The following EPHA7 variants were observed in gnomAD, a reference collection of about 807,000 sequenced individuals.
The protein encoded by EPHA7 is ephrin type-A receptor 7.
A neutral mutation model predicts 112.6 loss-of-function variants in EPHA7; 25 were observed. The observed-to-expected ratio is 0.22, with a 90% CI of 0.16 to 0.31. EPHA7 has a LOEUF of 0.31. EPHA7 is among the 10% of genes least tolerant of loss of function. EPHA7 has a pLI of 1.00. For missense variants in EPHA7, 962 were observed against 1,212.6 expected (o/e 0.79, Z 3.07); for synonymous variants, 437 against 406.5 (o/e 1.07, Z -0.90).
chr6:93,240,608 T>A lies in EPHA7; in HGVS notation c.*2818A>T. On this transcript the variant is annotated 3_prime_UTR_variant, in exon 17 of 17. Transcript: ENST00000369303. The stretch of plus-strand genomic sequence containing the variant: ...TTCAGTACTGAATGCAAAACACAGG[T>A]CAAGTGTGAGGACAGTGTTCTAAAA... The A allele has an allele frequency of 4.6e-6, 1 of 217,732 alleles. No individual in the cohort carries two copies. The highest frequency in any genetic ancestry group is 6.8e-5 in the East Asian group (1 of 14,708). 13.5% of individuals were successfully genotyped at this position (217,732 alleles called of 1,614,324 possible). A position where few individuals can be genotyped will look rare whatever the true frequency, so the allele number is the denominator to read the frequency against.
At chr6:93,365,238 G>C (rs1776448222) in intron 3 of EPHA7, among the ~76,000 whole-genome samples, 1 of 152,208 alleles carries the variant, frequency 6.6e-6, no homozygotes, top group Non-Finnish European at 1.5e-5. Flanking sequence ...CAGCTGTAAA[G>C]AGTTTATTAA....
intron 1 of EPHA7, among the ~76,000 whole-genome samples, chr6:93,416,802 T>G (rs1221189741): frequency 2.0e-5 from 3 of 149,900 alleles, no homozygotes; most frequent in Non-Finnish European, 4.4e-5. Flanking sequence ...GGAGAGGGGC[T>G]AGACTGGGGG....
intron 5 of EPHA7, among the ~76,000 whole-genome samples, chr6:93,320,560 C>A (rs1290492322): frequency 4.6e-5 from 7 of 151,812 alleles, no homozygotes; most frequent in Admixed American, 4.6e-4. Flanking sequence ...AAGAATGTAG[C>A]TAGAAAAAAC....
Position 93,272,428 on chromosome 6 carries a change from T to C in EPHA7, c.1325-6A>G. On this transcript the variant is annotated splice_polypyrimidine_tract_variant and splice_region_variant and intron_variant, in intron 5 of 16. Coordinates refer to ENST00000369303, the MANE Select transcript of EPHA7 (RefSeq NM_004440.4). ...TCCACTCACTTGCGAGGGAGCTGTT[T>C]GGACAAGATGTGTCAATAAACAATG... 1 of 1,611,316 alleles carries C rather than the reference T, an allele frequency of 6.2e-7. No individual in the cohort carries two copies. Among genetic ancestry groups the C allele is most frequent in the African/African-American group, 1.3e-5 (1 of 74,840 alleles).
chr6:93,383,338 T>C (rs550067921), intron 3 of EPHA7, among the ~76,000 whole-genome samples: 3 of 151,892 alleles, frequency 2.0e-5, no homozygotes, highest in African/African-American at 7.2e-5. Flanking sequence ...TGTGTGTGTG[T>C]GTGTATAATT....
At chr6:93,357,138 G>T in intron 4 of EPHA7, 86 bp from the exon 5 acceptor site, 1 of 1,064,078 alleles carries the variant, frequency 9.4e-7, no homozygotes, top group Non-Finnish European at 1.3e-6. Flanking sequence ...TCTGTGTGGG[G>T]CATTAAGCTA....
chr6:93,347,256 T>A (rs1301114617), intron 5 of EPHA7, among the ~76,000 whole-genome samples: 1 of 151,926 alleles, frequency 6.6e-6, no homozygotes, highest in Non-Finnish European at 1.5e-5. Flanking sequence ...AAATTTATTA[T>A]AACTTTTATA....
At chr6:93,395,202 TA>T (rs1420642899) in intron 3 of EPHA7, among the ~76,000 whole-genome samples, 1 of 151,926 alleles carries the variant, frequency 6.6e-6, no homozygotes, top group Non-Finnish European at 1.5e-5. Flanking sequence ...GACAATGCTT[TA>T]AAAATGGTTT....
At chr6:93,253,884 C>T (rs1279672060) in intron 14 of EPHA7, among the ~76,000 whole-genome samples, 2 of 152,012 alleles carry the variant, frequency 1.3e-5, no homozygotes, top group Non-Finnish European at 2.9e-5. Context: ...TCTTGGCCTA[C>T]AAAATGGCCA....
At chr6:93,366,609 TA>T (rs958722467) in intron 3 of EPHA7, among the ~76,000 whole-genome samples, 1 of 152,080 alleles carries the variant, frequency 6.6e-6, no homozygotes, top group African/African-American at 2.4e-5. Flanking sequence ...GCAACAGTGT[TA>T]AAAAACAGGT....
intron 3 of EPHA7, among the ~76,000 whole-genome samples, chr6:93,407,031 T>G (rs117160559): frequency 0.023 from 3,435 of 152,056 alleles, 51 homozygotes; most frequent in Non-Finnish European, 0.034. Context: ...CTCATAAAAA[T>G]ACTATGTTTA....
chr6:93,387,658 C>T (rs1777679831), intron 3 of EPHA7, among the ~76,000 whole-genome samples: 1 of 152,060 alleles, frequency 6.6e-6, no homozygotes, highest in African/African-American at 2.4e-5. Context: ...GGGGAGGCCT[C>T]AGTAAACTTA....
At chr6:93,303,126 G>A (rs1025275920) in intron 5 of EPHA7, among the ~76,000 whole-genome samples, 1 of 152,108 alleles carries the variant, frequency 6.6e-6, no homozygotes, top group Non-Finnish European at 1.5e-5. Flanking sequence ...ATGTTTGCCC[G>A]TGATCCTACT....
chr6:93,316,526 C>T (rs1267184323), intron 5 of EPHA7, among the ~76,000 whole-genome samples: 1 of 152,042 alleles, frequency 6.6e-6, no homozygotes, highest in East Asian at 1.9e-4. Context: ...TAGTGTGTAA[C>T]ACTATTTCTG....
chr6:93,385,713 T>C (rs958356449), intron 3 of EPHA7, among the ~76,000 whole-genome samples: 5 of 151,984 alleles, frequency 3.3e-5, no homozygotes, highest in Non-Finnish European at 7.4e-5. Context: ...GATGTGTGGA[T>C]GGATGGATAG....
intron 14 of EPHA7, among the ~76,000 whole-genome samples, chr6:93,249,063 A>G (rs1770089357): frequency 6.6e-6 from 1 of 152,292 alleles, no homozygotes; most frequent in South Asian, 2.1e-4. Flanking sequence ...TGGAGAAAAC[A>G]CCTTGGCCTT....
Position 93,410,659 on chromosome 6 carries a change from G to A in EPHA7, c.674C>T (p.Ser225Phe). The A allele has an allele frequency of 1.9e-6, 3 of 1,613,942 alleles. No homozygotes were observed. Among genetic ancestry groups the A allele is most frequent in the Non-Finnish European group, 2.5e-6 (3 of 1,179,936 alleles). ...TGTCCCTCGAACCTCGACTAAAGAGGAAAATTCTGAACCAGTCACTGTATC... is the reference window on the plus strand; with the variant it reads ...TGTCCCTCGAACCTCGACTAAAGAGAAAAATTCTGAACCAGTCACTGTATC... ...FPDTVTGSEF[S>F]SLVEVRGTCV... The change falls in exon 3 of 17, where the codon TCC (serine) becomes TTC (phenylalanine). Residue 225 changes from serine (S) to phenylalanine (F), a missense_variant. Transcript: ENST00000369303. The surrounding 1 kb of genome is among the most constrained non-coding windows in gnomAD (Gnocchi z 4.0).
At position 93,384,992 on chromosome 6, in the gene EPHA7, G is replaced by C. The variant is rs77621745; in HGVS notation, c.832+25509C>G. Among the ~76,000 whole-genome samples the C allele has an allele frequency of 9.8e-3, 1,492 of 152,126 alleles. 22 individuals carry two copies. The highest frequency in any genetic ancestry group is 0.034 in the African/African-American group (1,403 of 41,498). ...AATATGTGTGTAATATAAAATATAT[G>C]GCAAAATTTAATATGCCATTGAAGA... On this transcript the variant is annotated intron_variant, in intron 3 of 16. Coordinates refer to ENST00000369303, the MANE Select transcript of EPHA7 (RefSeq NM_004440.4).
At chr6:93,331,829 C>T (rs1582536318) in intron 5 of EPHA7, among the ~76,000 whole-genome samples, 2 of 151,660 alleles carry the variant, frequency 1.3e-5, no homozygotes, top group African/African-American at 4.8e-5. Flanking sequence ...TTGTAAACCA[C>T]TATGTCATTT....
Sources: gnomAD v4.1 joint callset for allele counts (sites outside exome capture counted in the v4.1 genomes callset) on GRCh38, gnomAD v4.1.1 for gene constraint, Gnocchi (gnomAD v3.1) non-coding constraint, MANE v1.5 for transcripts, NCBI Gene and HGNC (gene_info 2026-07-23, HGNC 2026-07-21) for gene names.